The following PCDHA1 variants were observed in gnomAD, a reference collection of about 807,000 sequenced individuals.
PCDHA1 encodes protocadherin alpha-1.
PCDHA1 carries 42 observed loss-of-function variants against 61.3 expected under a neutral mutation model. The ratio of observed to expected loss-of-function variants is 0.69; its 90% confidence interval spans 0.54 to 0.89. The LOEUF (loss-of-function observed/expected upper bound fraction) is 0.89. Among genes scored for constraint, PCDHA1 ranks in the 40% least tolerant of loss-of-function variants. The pLI is 0.00. For missense variants in PCDHA1, 1,256 were observed against 1,235.3 expected (o/e 1.02, Z -0.25); for synonymous variants, 610 against 553.8 (o/e 1.10, Z -1.43).
chr5:140,998,275 A>G (rs1554256218), intron 3 of PCDHA1, among the ~76,000 whole-genome samples: 1 of 152,198 alleles, frequency 6.6e-6, no homozygotes, highest in African/African-American at 2.4e-5. Context: ...TGACACCCAT[A>G]GGATTAAATC....
At chr5:140,853,303 A>G in intron 1 of PCDHA1, 1 of 982,870 alleles carries the variant, frequency 1.0e-6, no homozygotes, top group Non-Finnish European at 1.2e-6. Flanking sequence ...AAGGGCTGTG[A>G]ACACCTTAGT....
At chr5:140,854,461 G>A (rs1581342351) in intron 1 of PCDHA1, 1 of 149,954 alleles carries the variant, frequency 6.7e-6, no homozygotes, top group East Asian at 1.9e-4. Context: ...AGGCATTCCA[G>A]AGGAGTAGAG....
intron 1 of PCDHA1, chr5:140,803,931 T>C (rs1329228144): frequency 2.3e-6 from 1 of 442,782 alleles, no homozygotes; most frequent in East Asian, 4.2e-5. Context: ...TTTATACTTA[T>C]CCCTATACAA....
intron 1 of PCDHA1, chr5:140,858,627 T>A: frequency 1.8e-6 from 2 of 1,097,414 alleles, no homozygotes; most frequent in South Asian, 1.7e-5. Flanking sequence ...ACCCAGTGTG[T>A]CAGCCTTTGA....
At chr5:140,808,471 A>G (rs782329561) in intron 1 of PCDHA1, 1 of 1,614,060 alleles carries the variant, frequency 6.2e-7, no homozygotes, top group Admixed American at 1.7e-5. Flanking sequence ...TGACCGCGCG[A>G]GACGGGGGCT....
At chr5:140,941,247 C>CT (rs1398354432) in intron 1 of PCDHA1, among the ~76,000 whole-genome samples, 1 of 128,506 alleles carries the variant, frequency 7.8e-6, no homozygotes, top group African/African-American at 2.9e-5. Context: ...TTCTTTCTTT[C>CT]TTTCTTTCTC....
At chr5:140,830,341 C>T (rs1554132760) in intron 1 of PCDHA1, 11 of 1,613,972 alleles carry the variant, frequency 6.8e-6, no homozygotes, top group Admixed American at 1.7e-5. Flanking sequence ...GCTGGTCGTA[C>T]TCGCAGCAGA....
intron 1 of PCDHA1, chr5:140,849,231 C>T (rs2040825064): frequency 9.5e-7 from 1 of 1,049,088 alleles, no homozygotes; most frequent in Admixed American, 2.7e-5. Context: ...CGACAGAACC[C>T]TGTATACGGT....
At chr5:140,827,461 C>T (rs1769301582) in intron 1 of PCDHA1, among the ~76,000 whole-genome samples, 1 of 152,194 alleles carries the variant, frequency 6.6e-6, no homozygotes, top group Admixed American at 6.5e-5. Context: ...TTAAGAGCAT[C>T]TGATATTTAT....
chr5:140,796,195 A>T (rs1762045475), intron 1 of PCDHA1: 3 of 1,614,056 alleles, frequency 1.9e-6, no homozygotes, highest in Non-Finnish European at 2.5e-6. Flanking sequence ...GGTGCTGGAC[A>T]GCGCCCTGGA....
chr5:140,859,119 T>C (rs1275680120), intron 1 of PCDHA1: 2 of 150,176 alleles, frequency 1.3e-5, no homozygotes, highest in African/African-American at 4.9e-5. Context: ...AAAATGTATG[T>C]TTCTTTTATT....
intron 1 of PCDHA1, among the ~76,000 whole-genome samples, chr5:140,935,104 A>G (rs1233919640): frequency 2.0e-5 from 3 of 152,126 alleles, no homozygotes; most frequent in Non-Finnish European, 4.4e-5. Context: ...GCCATTTTTC[A>G]AAGAGCTTTC....
chr5:140,806,670 C>A (rs912228028), intron 1 of PCDHA1, among the ~76,000 whole-genome samples: 1 of 152,020 alleles, frequency 6.6e-6, no homozygotes, highest in African/African-American at 2.4e-5. Flanking sequence ...TAAAAAAAAA[C>A]CCTGGAATTC....
intron 1 of PCDHA1, among the ~76,000 whole-genome samples, chr5:140,790,959 T>C (rs782164240): frequency 3.3e-5 from 5 of 152,238 alleles, no homozygotes; most frequent in Non-Finnish European, 7.3e-5. Flanking sequence ...GTGTTTATTT[T>C]AATGTAAATA....
intron 1 of PCDHA1, 53 bp downstream of exon 1, chr5:140,788,737 C>G: frequency 6.7e-7 from 1 of 1,488,470 alleles, no homozygotes; most frequent in South Asian, 1.4e-5. Flanking sequence ...TTTAACTTGT[C>G]TAATCATCTT....
In PCDHA1 at chr5:140,857,821, T is replaced by G. The variant is rs782136833; in HGVS notation, c.2394+69137T>G. On this transcript the variant is annotated intron_variant, in intron 1 of 3. Transcript: ENST00000504120. The stretch of plus-strand genomic sequence containing the variant: ...CGGTGGTTGCGGGTCACGTGGTGGC[T>G]AAGGTGCGCGCAGTGGACGCTGACT... 1.3e-5 allele frequency: 21 copies of G among 1,597,530 alleles called. 3 individuals carry two copies. Among genetic ancestry groups the G allele is most frequent in the East Asian group, 2.2e-5 (1 of 44,830 alleles).
chr5:140,913,082 C>G (rs2076197049), intron 1 of PCDHA1, among the ~76,000 whole-genome samples: 1 of 152,108 alleles, frequency 6.6e-6, no homozygotes, highest in African/African-American at 2.4e-5. Context: ...TGTTTGGTAT[C>G]AGGATAATAC....
intron 1 of PCDHA1, among the ~76,000 whole-genome samples, chr5:140,819,536 A>G (rs1328412419): frequency 6.6e-6 from 1 of 152,166 alleles, no homozygotes; most frequent in Non-Finnish European, 1.5e-5. Context: ...CAAGAAAATA[A>G]TCTGTAACAT....
chr5:140,966,909 T>C, intron 1 of PCDHA1: 1 of 1,601,466 alleles, frequency 6.2e-7, no homozygotes, highest in Non-Finnish European at 8.5e-7. Context: ...CGATACTCTG[T>C]GCCAGAGGAG....
Sources: gnomAD v4.1 joint callset for allele counts (sites outside exome capture counted in the v4.1 genomes callset) on GRCh38, gnomAD v4.1.1 for gene constraint, MANE v1.5 for transcripts, NCBI Gene and HGNC (gene_info 2026-07-23, HGNC 2026-07-21) for gene names.